Variants in MAX observed in about 807,000 individuals in gnomAD.
MAX encodes the protein MYC associated transcriptional regulator X.
Under a neutral mutation model 22.3 loss-of-function variants are expected in MAX, and 3 were observed. The ratio of observed to expected loss-of-function variants is 0.13; its 90% confidence interval spans 0.06 to 0.35. The LOEUF (loss-of-function observed/expected upper bound fraction) is 0.35, where lower values mean the gene tolerates loss of function less well. Among genes scored for constraint, MAX ranks in the 10% least tolerant of loss-of-function variants. The probability of loss-of-function intolerance (pLI) is 1.00; values close to 1 mark genes in which losing one functional copy is unlikely to be tolerated. For synonymous variants in MAX, 72 were observed against 77.7 expected, an observed-to-expected ratio of 0.93 and a Z score of 0.39; for missense variants, 119 against 209.4, an observed-to-expected ratio of 0.57 and a Z score of 2.66.
chr14:65,016,996 C>T (rs1164056741), intron 3 of MAX, among the ~76,000 whole-genome samples: 3 of 146,820 alleles, frequency 2.0e-5, no homozygotes, highest in Non-Finnish European at 4.5e-5. Context: ...AGTCTCAGCT[C>T]ACTGCTGCCT....
chr14:65,066,653 A>G (rs1027407989), intron 3 of MAX, among the ~76,000 whole-genome samples: 5 of 151,422 alleles, frequency 3.3e-5, no homozygotes, highest in Non-Finnish European at 5.9e-5. Flanking sequence ...TTGGGAGTTC[A>G]TGACCAGCCT....
intron 2 of MAX, among the ~76,000 whole-genome samples, chr14:65,096,037 G>C (rs1398183991): frequency 6.6e-6 from 1 of 152,182 alleles, no homozygotes; most frequent in Non-Finnish European, 1.5e-5. Flanking sequence ...GATTGTAAGT[G>C]AACTTGGCTG....
rs2061695191 is a variant in MAX, at chr14:65,012,255, T to TA, written c.172-5972dup. 2 of 1,597,908 alleles carry TA rather than the reference T, an allele frequency of 1.3e-6. No homozygotes were observed. Among genetic ancestry groups the TA allele is most frequent in the East Asian group, 4.5e-5 (2 of 44,708 alleles). ...TTACCCGTGTGTGTGTACGTGCACA[T>TA]ACGTGTGTATGGTGGAAGCATAAGC... On this transcript the variant is annotated intron_variant, in intron 3 of 3. Transcript: ENST00000341653. This position sits in a 1 kb window ranked among gnomAD's most constrained non-coding sequence, Gnocchi z 5.0.
chr14:65,055,650 G>C (rs2062719031), intron 3 of MAX, among the ~76,000 whole-genome samples: 1 of 151,912 alleles, frequency 6.6e-6, no homozygotes, highest in Admixed American at 6.6e-5. Context: ...CTGAGTAGCT[G>C]GGATTACAGG....
In MAX at chr14:65,032,008, G is replaced by A. The variant is rs1396424388; in HGVS notation, c.172-25724C>T. ...TGTGTGTGTGTGTGTGTGTGTGTGT[G>A]TGTGTGTGTGTACTGGTGAGAGGTT... is the stretch of plus-strand genomic sequence containing the variant. On this transcript the variant is annotated intron_variant, in intron 3 of 3. Coordinates refer to the MAX transcript ENST00000341653. The surrounding 1 kb of genome is among the most constrained non-coding windows in gnomAD (Gnocchi z 5.0). 6.6e-6 allele frequency among the ~76,000 whole-genome samples: 1 copy of A among 151,842 alleles called. No homozygotes were observed. The highest frequency in any genetic ancestry group is 1.5e-5 in the Non-Finnish European group (1 of 67,970).
In MAX at chr14:65,075,876, T is replaced by C; in HGVS notation, c.*600A>G. The C allele has an allele frequency of 1.9e-6, 2 of 1,067,934 alleles. No homozygotes were observed. The highest frequency in any genetic ancestry group is 2.3e-6 in the Non-Finnish European group (2 of 880,876). The allele number at this position is 1,067,934 out of a possible 1,614,324, so 66.2% of individuals were successfully genotyped here. A position where few individuals can be genotyped will look rare whatever the true frequency, so the allele number is the denominator to read the frequency against. ...CATGCCAGCGACTCTGTGCTGCGAATCTGTCCCCACTTCCTTTTTATACCA... is the reference window on the plus strand; with the variant it reads ...CATGCCAGCGACTCTGTGCTGCGAACCTGTCCCCACTTCCTTTTTATACCA... On this transcript the variant is annotated 3_prime_UTR_variant, in exon 5 of 5. Coordinates refer to ENST00000358664, the MANE Select transcript of MAX (RefSeq NM_002382.5). The surrounding 1 kb of genome is among the most constrained non-coding windows in gnomAD (Gnocchi z 4.1).
downstream of MAX, among the ~76,000 whole-genome samples, chr14:65,071,185 AGG>A (rs2139720644): frequency 6.6e-6 from 1 of 152,034 alleles, no homozygotes; most frequent in African/African-American, 2.4e-5. This position sits in a 1 kb window ranked among gnomAD's most constrained non-coding sequence, Gnocchi z 4.2. Flanking sequence ...TGTGTCACCC[AGG>A]CTGGAGTGCA....
intron 3 of MAX, among the ~76,000 whole-genome samples, chr14:65,037,748 ATTTATTTATTTAT>A (rs1566562893): frequency 1.1e-3 from 84 of 75,716 alleles, no homozygotes; most frequent in East Asian, 2.4e-3. Context: ...TTTATTATTT[ATTTATTTATTTAT>A]TTATTTATTT....
intron 3 of MAX, among the ~76,000 whole-genome samples, chr14:65,033,148 G>A (rs768595256): frequency 2.6e-5 from 4 of 152,126 alleles, no homozygotes; most frequent in Non-Finnish European, 5.9e-5. Context: ...AGTTGCATCG[G>A]AATATAATGT....
At chr14:65,040,990 G>A in intron 3 of MAX, 1 of 1,573,042 alleles carries the variant, frequency 6.4e-7, no homozygotes, top group African/African-American at 1.4e-5. Context: ...CAGACATGCA[G>A]GCTTCAGGAG....
chr14:65,090,347 T>C (rs971497448), intron 3 of MAX: 7 of 152,154 alleles, frequency 4.6e-5, no homozygotes, highest in Admixed American at 1.3e-4. Context: ...ACAGATGGGA[T>C]AGTGATCTTG....
intron 3 of MAX, among the ~76,000 whole-genome samples, chr14:65,092,761 G>A (rs1052061633): frequency 2.0e-5 from 3 of 152,092 alleles, no homozygotes; most frequent in African/African-American, 7.2e-5. Flanking sequence ...GAAAGCATAA[G>A]GGTTCCAAAT....
rs2063108266 is a variant in MAX at position 65,078,093 on chromosome 14, G to A, written c.172-57C>T. ...AAAATAAAAACCCAATCCAGGCAGT[G>A]AGGGAACCTGGCCTGCAGCAACTGC... On this transcript the variant is annotated intron_variant, in intron 3 of 4. Transcript: ENST00000358664. The surrounding 1 kb of genome is among the most constrained non-coding windows in gnomAD (Gnocchi z 6.4). 24 of 1,609,528 alleles carry A rather than the reference G, an allele frequency of 1.5e-5. No homozygotes were observed. The highest frequency in any genetic ancestry group is 2.7e-5 in the African/African-American group (2 of 74,868).
chr14:65,010,431 C>T (rs1595011830), intron 3 of MAX, among the ~76,000 whole-genome samples: 2 of 152,354 alleles, frequency 1.3e-5, no homozygotes, highest in East Asian at 1.9e-4. Context: ...GACATCATCA[C>T]CTGAATGCAG....
In MAX at chr14:65,012,690, C is replaced by T. The variant is rs551939614; in HGVS notation, c.172-6406G>A. 6.6e-6 allele frequency among the ~76,000 whole-genome samples: 1 copy of T among 152,320 alleles called. No homozygotes were observed. Among genetic ancestry groups the T allele is most frequent in the Admixed American group, 6.5e-5 (1 of 15,298 alleles). On this transcript the variant is annotated intron_variant, in intron 3 of 3. Transcript: ENST00000341653. The surrounding 1 kb of genome is among the most constrained non-coding windows in gnomAD (Gnocchi z 5.0). ...GACCTCCTTGACAGCTGGCTAAATG[C>T]CAGTTACCTGTTCACCCTTAACCCT...
Position 65,023,944 on chromosome 14 carries a change from A to G in MAX, c.172-17660T>C, listed in dbSNP as rs968838814. On this transcript the variant is annotated intron_variant, in intron 3 of 3. Transcript: ENST00000341653. This position sits in a 1 kb window ranked among gnomAD's most constrained non-coding sequence, Gnocchi z 4.1. ...AGTGAAACCCTGACTCTACTAAAAA[A>G]TACAAAAATTAGCTGGGCGTGGCGG... Among the ~76,000 whole-genome samples the G allele has an allele frequency of 3.3e-5, 5 of 152,140 alleles. No homozygotes were observed. Among genetic ancestry groups the G allele is most frequent in the African/African-American group, 1.2e-4 (5 of 41,448 alleles).
At chr14:65,041,008 C>T in intron 3 of MAX, 4 of 1,551,842 alleles carry the variant, frequency 2.6e-6, no homozygotes, top group South Asian at 2.4e-5. Flanking sequence ...GAGAGTTTGG[C>T]TATGGGAAGG....
chr14:65,026,751 A>G (rs1323545494), intron 3 of MAX, among the ~76,000 whole-genome samples: 1 of 152,040 alleles, frequency 6.6e-6, no homozygotes, highest in Non-Finnish European at 1.5e-5. Context: ...AATCCCAGCT[A>G]CTTGGAAGGG....
chr14:65,016,480 T>C (rs1470882102), intron 3 of MAX: 1 of 152,270 alleles, frequency 6.6e-6, no homozygotes, highest in East Asian at 1.9e-4. Context: ...CAGCTTCCTC[T>C]GGTGCTCTTG....
Sources: gnomAD v4.1 joint callset for allele counts (sites outside exome capture counted in the v4.1 genomes callset) on GRCh38, gnomAD v4.1.1 for gene constraint, Gnocchi (gnomAD v3.1) non-coding constraint, MANE v1.5 for transcripts, NCBI Gene and HGNC (gene_info 2026-07-23, HGNC 2026-07-21) for gene names.